Variants in PDE1A observed in about 807,000 individuals in gnomAD.
PDE1A encodes phosphodiesterase 1A.
PDE1A carries 35 observed loss-of-function variants against 61.7 expected under a neutral mutation model. That is an observed-to-expected ratio of 0.57 (90% confidence interval 0.43 to 0.75). PDE1A has a LOEUF of 0.75. Ranked by LOEUF, PDE1A falls within the 30% of genes least tolerant of loss-of-function variation. PDE1A has a pLI of 0.00. For missense variants in PDE1A, 597 were observed against 630.6 expected (o/e 0.95, Z 0.57); for synonymous variants, 232 against 213.2 (o/e 1.09, Z -0.77).
At chr2:182,144,963 C>G (rs964989876), downstream of PDE1A, among the ~76,000 whole-genome samples, 2 of 152,112 alleles carry the variant, frequency 1.3e-5, no homozygotes, top group Admixed American at 6.5e-5. Flanking sequence ...GCTGTGTCCT[C>G]TCTGTTTCCA....
intron 7 of PDE1A, among the ~76,000 whole-genome samples, chr2:182,220,762 A>G (rs1688648177): frequency 6.6e-6 from 1 of 152,088 alleles, no homozygotes; most frequent in Admixed American, 6.6e-5. Flanking sequence ...GTAGTAAATT[A>G]GTTTCCAGAT....
the PDE1A span, among the ~76,000 whole-genome samples, chr2:182,609,751 ACAAT>A: frequency 6.6e-5 from 10 of 152,356 alleles, no homozygotes; most frequent in East Asian, 1.9e-3. Flanking sequence ...AATTCCAGAC[ACAAT>A]CAGATTCCCA....
the PDE1A span, among the ~76,000 whole-genome samples, chr2:182,563,439 G>A: frequency 6.6e-6 from 1 of 152,124 alleles, no homozygotes; most frequent in South Asian, 2.1e-4. Flanking sequence ...TATCATTTCT[G>A]TTCTTTTCCA....
At chr2:182,596,679 C>CTGGATGGATGGA in the PDE1A span, among the ~76,000 whole-genome samples, 21,055 of 148,976 alleles carry the variant, frequency 0.14, 1,695 homozygotes, top group Non-Finnish European at 0.19. Flanking sequence ...GAATAATAAA[C>CTGGATGGATGGA]TGGATGGATG....
chr2:182,374,374 T>G (rs1431660865), intron 1 of PDE1A, among the ~76,000 whole-genome samples: 1 of 152,040 alleles, frequency 6.6e-6, no homozygotes, highest in Non-Finnish European at 1.5e-5. Flanking sequence ...ATTATAAAGC[T>G]TATAAAAGAA....
At chr2:182,625,164 G>A in the PDE1A span, among the ~76,000 whole-genome samples, 652 of 152,280 alleles carry the variant, frequency 4.3e-3, 2 homozygotes, top group African/African-American at 0.015. Context: ...AAGCTAGAAA[G>A]TGATCCCTCA....
At chr2:182,462,857 T>C (rs555410294) in intron 2 of PDE1A, among the ~76,000 whole-genome samples, 1 of 152,342 alleles carries the variant, frequency 6.6e-6, no homozygotes, top group African/African-American at 2.4e-5. Flanking sequence ...ATGATGTTAT[T>C]CACAATCTGT....
chr2:182,621,712 T>G, the PDE1A span, among the ~76,000 whole-genome samples: 1 of 152,194 alleles, frequency 6.6e-6, no homozygotes. Flanking sequence ...AGCAAAATGT[T>G]TATTGTTTTT....
the PDE1A span, among the ~76,000 whole-genome samples, chr2:182,595,921 A>T: frequency 6.6e-6 from 1 of 152,228 alleles, no homozygotes; most frequent in Non-Finnish European, 1.5e-5. Context: ...CAGTAGAATC[A>T]ACTGATGCTA....
chr2:182,466,392 A>G (rs1457206138), intron 2 of PDE1A, among the ~76,000 whole-genome samples: 1 of 152,026 alleles, frequency 6.6e-6, no homozygotes, highest in Non-Finnish European at 1.5e-5. Flanking sequence ...TCTTAAATAA[A>G]ATGTTTGTCA....
chr2:182,573,426 T>G, the PDE1A span, among the ~76,000 whole-genome samples: 1 of 152,182 alleles, frequency 6.6e-6, no homozygotes, highest in East Asian at 1.9e-4. Flanking sequence ...GGGACATTTC[T>G]CAAGACAGCT....
intron 2 of PDE1A, among the ~76,000 whole-genome samples, chr2:182,514,812 A>C (rs981394871): frequency 1.3e-5 from 2 of 152,216 alleles, no homozygotes; most frequent in Non-Finnish European, 2.9e-5. Flanking sequence ...ACACAAATAG[A>C]CAAGTGGAAC....
chr2:182,153,411 G>A (rs1376765607), intron 13 of PDE1A, among the ~76,000 whole-genome samples: 2 of 152,200 alleles, frequency 1.3e-5, no homozygotes, highest in African/African-American at 4.8e-5. Context: ...GGAAAGAAAT[G>A]AAGCCCAGCT....
intron 1 of PDE1A, among the ~76,000 whole-genome samples, chr2:182,413,513 A>G (rs1702740686): frequency 6.6e-6 from 1 of 152,208 alleles, no homozygotes; most frequent in South Asian, 2.1e-4. Context: ...AATAACAGAC[A>G]TTTGAAATCT....
chr2:182,659,820 A>T, the PDE1A span, among the ~76,000 whole-genome samples: 1 of 152,260 alleles, frequency 6.6e-6, no homozygotes, highest in Non-Finnish European at 1.5e-5. Flanking sequence ...CAGAAATGTA[A>T]GTATTAATAA....
the PDE1A span, among the ~76,000 whole-genome samples, chr2:182,658,352 T>C: frequency 6.6e-6 from 1 of 152,228 alleles, no homozygotes; most frequent in Admixed American, 6.5e-5. Context: ...AGCCATCATA[T>C]GGTATTTTTC....
chr2:182,651,294 A>T, the PDE1A span, among the ~76,000 whole-genome samples: 3 of 152,206 alleles, frequency 2.0e-5, no homozygotes, highest in Non-Finnish European at 4.4e-5. Context: ...GGTATGAGCC[A>T]CCACACCTGG....
upstream of PDE1A, among the ~76,000 whole-genome samples, chr2:182,429,484 G>A (rs539132052): frequency 2.0e-3 from 302 of 152,148 alleles, 1 homozygote; most frequent in Non-Finnish European, 3.2e-3. Flanking sequence ...CAGAAAGGGT[G>A]TTTTTATTTT....
chr2:182,705,803 T>G, the PDE1A span, among the ~76,000 whole-genome samples: 1 of 152,328 alleles, frequency 6.6e-6, no homozygotes, highest in East Asian at 1.9e-4. Context: ...CATGAGCCAC[T>G]GCACCCAGCT....
Sources: gnomAD v4.1 joint callset for allele counts (sites outside exome capture counted in the v4.1 genomes callset) on GRCh38, gnomAD v4.1.1 for gene constraint, MANE v1.5 for transcripts, NCBI Gene and HGNC (gene_info 2026-07-23, HGNC 2026-07-21) for gene names.